The following SUCO variants were observed in gnomAD, a reference collection of about 807,000 sequenced individuals.
SUCO encodes SUN domain-containing ossification factor.
A neutral mutation model predicts 148.1 loss-of-function variants in SUCO; 57 were observed. The observed-to-expected ratio is 0.38, with a 90% CI of 0.31 to 0.48. The LOEUF is 0.48. SUCO is among the 20% of genes least tolerant of loss of function. The probability of loss-of-function intolerance (pLI) is 0.96; values close to 1 mark genes in which losing one functional copy is unlikely to be tolerated. For synonymous variants in SUCO, 470 were observed against 502.7 expected, an observed-to-expected ratio of 0.93 and a Z score of 0.87; for missense variants, 1,331 against 1,468.2, an observed-to-expected ratio of 0.91 and a Z score of 1.53.
chr1:172,571,162 G>C (rs2149245916), intron 9 of SUCO, among the ~76,000 whole-genome samples: 1 of 152,260 alleles, frequency 6.6e-6, no homozygotes, highest in East Asian at 1.9e-4. Context: ...CTCCCTGCCT[G>C]ATTCTCCTGC....
intron 4 of SUCO, 47 bp downstream of exon 4, chr1:172,556,070 G>C: frequency 6.7e-7 from 1 of 1,490,930 alleles, no homozygotes; most frequent in South Asian, 1.2e-5. Context: ...TCCTTAGTTA[G>C]TGATAGAAAA....
chr1:172,575,150 C>T (rs1655341428), intron 10 of SUCO, among the ~76,000 whole-genome samples: 1 of 151,948 alleles, frequency 6.6e-6, no homozygotes, highest in Non-Finnish European at 1.5e-5. Context: ...ATTCTCTTTC[C>T]ACCAGTACTT....
intron 9 of SUCO, among the ~76,000 whole-genome samples, chr1:172,571,182 C>T (rs866309401): frequency 1.1e-4 from 16 of 152,344 alleles, no homozygotes; most frequent in South Asian, 2.1e-4. Context: ...CCTCAGCCTG[C>T]GGAGTGCCTG....
chr1:172,578,008 C>T (rs1655584188), intron 13 of SUCO, among the ~76,000 whole-genome samples, 189 bp downstream of exon 13: 1 of 151,358 alleles, frequency 6.6e-6, no homozygotes, highest in Non-Finnish European at 1.5e-5. Flanking sequence ...AAAAAAACCT[C>T]ATTTTGTATA....
At position 172,610,354 on chromosome 1, in the gene SUCO, T is replaced by C. The variant is rs1658141185; in HGVS notation, c.*95T>C. Reference sequence around the variant, plus strand: ...AAGGGTTTGGGGGAGGGAGAAAATATTAATGGGAAAGGCATTCAGAAATTA... The same window carrying C: ...AAGGGTTTGGGGGAGGGAGAAAATACTAATGGGAAAGGCATTCAGAAATTA... On this transcript the variant is annotated 3_prime_UTR_variant, in exon 24 of 24. Transcript: ENST00000263688. The C allele has an allele frequency of 2.1e-6, 3 of 1,440,672 alleles. No individual in the cohort carries two copies. Among genetic ancestry groups the C allele is most frequent in the Admixed American group, 5.9e-5 (2 of 33,854 alleles). 89.2% of individuals were successfully genotyped at this position (1,440,672 alleles called of 1,614,324 possible). A position where few individuals can be genotyped will look rare whatever the true frequency, so the allele number is the denominator to read the frequency against.
Position 172,589,325 on chromosome 1 carries a change from A to C in SUCO, c.2224A>C (p.Asn742His), listed in dbSNP as rs1326403447. ...SLLLDITPEINPLPKIEVSES... is the reference protein window; with the variant it reads ...SLLLDITPEIHPLPKIEVSES... ...TCTTTTAGATATTACCCCAGAAATC[A>C]ATCCCTTGCCTAAAATAGAAGTATC... Residue 742 changes from asparagine to histidine, a missense_variant, in exon 18 of 24, where the codon AAT (asparagine) becomes CAT (histidine). Asn to His is a moderately conservative substitution (Grantham distance 68). This residue lies in a region of SUCO where 992 missense variants were observed against 1,093.5 expected (regional missense o/e 0.91). Coordinates refer to ENST00000263688, the MANE Select transcript of SUCO (RefSeq NM_014283.5). The C allele has an allele frequency of 6.2e-7, 1 of 1,613,324 alleles. No individual in the cohort carries two copies. Among genetic ancestry groups the C allele is most frequent in the Non-Finnish European group, 8.5e-7 (1 of 1,179,746 alleles).
intron 1 of SUCO, among the ~76,000 whole-genome samples, chr1:172,534,625 C>T (rs1489358606): frequency 1.3e-5 from 2 of 152,178 alleles, no homozygotes; most frequent in African/African-American, 4.8e-5. Context: ...TGACTTATTA[C>T]CTTTCATTCT....
intron 15 of SUCO, among the ~76,000 whole-genome samples, chr1:172,583,333 A>C (rs760298070): frequency 1.3e-5 from 2 of 152,168 alleles, no homozygotes; most frequent in African/African-American, 2.4e-5. Flanking sequence ...AACATTTTAA[A>C]ATGGCAAATA....
At chr1:172,568,437 C>G (rs1181762379) in intron 6 of SUCO, 3 of 980,646 alleles carry the variant, frequency 3.1e-6, no homozygotes, top group Non-Finnish European at 3.6e-6. Context: ...TATGGTTAAC[C>G]TAACCAAATG....
rs538912859 is a variant in SUCO, at chr1:172,552,728, T to C, written c.178-532T>C. 2.5e-4 allele frequency: 172 copies of C among 699,704 alleles called. No individual in the cohort carries two copies. In the African/African-American group the frequency reaches 3.1e-3, roughly 13 times the overall value. The allele number at this position is 699,704 out of a possible 1,614,324, so 43.3% of individuals were successfully genotyped here. A position where few individuals can be genotyped will look rare whatever the true frequency, so the allele number is the denominator to read the frequency against. ...TTTAATCCCCCTTTTGATGAAGCAT[T>C]TTGCAAACAAATGTCATAAAAGTGA... On this transcript the variant is annotated intron_variant, in intron 2 of 23. Transcript: ENST00000263688.
At chr1:172,564,069 A>G (rs1025350836) in intron 6 of SUCO, among the ~76,000 whole-genome samples, 2 of 152,240 alleles carry the variant, frequency 1.3e-5, no homozygotes, top group Non-Finnish European at 2.9e-5. Context: ...GCAGGAGTTG[A>G]GGTTTGGGAA....
At chr1:172,546,447 C>T (rs1652863225) in intron 1 of SUCO, among the ~76,000 whole-genome samples, 1 of 152,130 alleles carries the variant, frequency 6.6e-6, no homozygotes, top group Admixed American at 6.5e-5. Context: ...ACAACTATCA[C>T]AAAGGAGAAG....
At chr1:172,607,728 CAT>C (rs1308663318) in intron 22 of SUCO, among the ~76,000 whole-genome samples, 1 of 151,574 alleles carries the variant, frequency 6.6e-6, no homozygotes, top group African/African-American at 2.4e-5. Flanking sequence ...ATCTGAATAA[CAT>C]AACTGTTTCT....
At chr1:172,567,896 C>T (rs988111365) in intron 6 of SUCO, among the ~76,000 whole-genome samples, 1 of 152,212 alleles carries the variant, frequency 6.6e-6, no homozygotes, top group African/African-American at 2.4e-5. Flanking sequence ...CCCCAACCCC[C>T]AGGCCACAGA....
intron 23 of SUCO, 140 bp from the exon 24 acceptor site, chr1:172,609,676 G>A: frequency 6.9e-7 from 1 of 1,449,014 alleles, no homozygotes; most frequent in South Asian, 1.5e-5. Context: ...ACATAACAAT[G>A]TATGTGTTCT....
chr1:172,570,553 G>A (rs2149245401), intron 8 of SUCO, 110 bp from the exon 9 acceptor site: 2 of 730,386 alleles, frequency 2.7e-6, no homozygotes, highest in South Asian at 1.7e-5. Context: ...AAAGTCTTAG[G>A]TGTACTTAAG....
chr1:172,566,914 T>C (rs1654596470), intron 6 of SUCO, among the ~76,000 whole-genome samples: 1 of 152,256 alleles, frequency 6.6e-6, no homozygotes, highest in Non-Finnish European at 1.5e-5. Context: ...GTCTCCTTCC[T>C]TATATTCAAA....
At chr1:172,562,098 A>G (rs1476114220) in intron 6 of SUCO, among the ~76,000 whole-genome samples, 1 of 152,192 alleles carries the variant, frequency 6.6e-6, no homozygotes, top group African/African-American at 2.4e-5. Flanking sequence ...GAATTAAGCT[A>G]TACTGGAGGA....
At chr1:172,590,710 ATG>A (rs554654029) in intron 18 of SUCO, among the ~76,000 whole-genome samples, 6 of 151,588 alleles carry the variant, frequency 4.0e-5, no homozygotes, top group African/African-American at 9.7e-5. Context: ...TTGGCTAATC[ATG>A]TGTGTGTGTG....
Sources: allele counts gnomAD v4.1 joint callset (sites outside exome capture counted in the v4.1 genomes callset), GRCh38; gene constraint gnomAD v4.1.1; regional missense constraint gnomAD v4.1.1; transcripts MANE v1.5; gene names NCBI Gene and HGNC (gene_info 2026-07-23, HGNC 2026-07-21).